Variants in REDIC1 observed in about 807,000 individuals in gnomAD.
The protein encoded by REDIC1 is regulator of DNA class I crossover intermediates 1, also known as HEI10 Interacting Protein 1.
the REDIC1 span, among the ~76,000 whole-genome samples, chr12:39,711,368 C>T: frequency 6.9e-5 from 10 of 144,772 alleles, no homozygotes; most frequent in African/African-American, 2.0e-4. Context: ...TACATATATA[C>T]ACATATACAT....
At chr12:39,885,630 C>G in the REDIC1 span, among the ~76,000 whole-genome samples, 1 of 152,134 alleles carries the variant, frequency 6.6e-6, no homozygotes, top group Non-Finnish European at 1.5e-5. Flanking sequence ...AAAATTATCT[C>G]TGGCCTTAGT....
the REDIC1 span, among the ~76,000 whole-genome samples, chr12:39,900,754 C>T: frequency 6.6e-6 from 1 of 152,090 alleles, no homozygotes. Context: ...GTGAAAATGG[C>T]CATACTGCCC....
At chr12:39,755,086 CTT>C in the REDIC1 span, 1 of 151,794 alleles carries the variant, frequency 6.6e-6, no homozygotes, top group Non-Finnish European at 1.5e-5. Context: ...GGCACTGACA[CTT>C]TTTTTAAAAA....
chr12:39,694,447 A>G, the REDIC1 span, among the ~76,000 whole-genome samples: 10 of 152,116 alleles, frequency 6.6e-5, no homozygotes, highest in African/African-American at 2.2e-4. Flanking sequence ...AGGGACAGTC[A>G]GTGCAGCAGT....
the REDIC1 span, among the ~76,000 whole-genome samples, chr12:39,700,902 C>T: frequency 6.6e-6 from 1 of 152,036 alleles, no homozygotes; most frequent in Non-Finnish European, 1.5e-5. Context: ...ATTTTGTCAC[C>T]ACCAGGCCTG....
the REDIC1 span, among the ~76,000 whole-genome samples, chr12:39,669,643 C>T: frequency 6.6e-6 from 1 of 152,230 alleles, no homozygotes; most frequent in African/African-American, 2.4e-5. Flanking sequence ...TATGCCCTGC[C>T]CCCAGAGGTG....
At chr12:39,678,173 G>T in the REDIC1 span, among the ~76,000 whole-genome samples, 120,486 of 152,018 alleles carry the variant, frequency 0.79, 48,478 homozygotes, top group Non-Finnish European at 0.87. Context: ...TCTTTGAAAA[G>T]ATAAAATTGA....
chr12:39,884,608 C>A, the REDIC1 span, among the ~76,000 whole-genome samples: 1 of 152,138 alleles, frequency 6.6e-6, no homozygotes. Context: ...AAGGCAATAT[C>A]TGGGGACTGT....
the REDIC1 span, among the ~76,000 whole-genome samples, chr12:39,838,141 C>T: frequency 6.8e-6 from 1 of 147,332 alleles, no homozygotes. Flanking sequence ...CACATATACA[C>T]CATGGAATAC....
At chr12:39,712,439 T>TATATAC in the REDIC1 span, among the ~76,000 whole-genome samples, 2 of 77,446 alleles carry the variant, frequency 2.6e-5, no homozygotes, top group African/African-American at 8.0e-5. Context: ...TATACATACG[T>TATATAC]ATATGTATAC....
the REDIC1 span, among the ~76,000 whole-genome samples, chr12:39,883,882 T>A: frequency 6.6e-6 from 1 of 152,178 alleles, no homozygotes; most frequent in Admixed American, 6.5e-5. Flanking sequence ...CGGAAGTATA[T>A]TCACGTAGAA....
chr12:39,778,454 C>T, the REDIC1 span, among the ~76,000 whole-genome samples: 1 of 151,164 alleles, frequency 6.6e-6, no homozygotes, highest in Admixed American at 6.6e-5. Context: ...ATCACAGGGA[C>T]GAAGTTAGTT....
At chr12:39,670,737 C>G in the REDIC1 span, among the ~76,000 whole-genome samples, 2 of 101,984 alleles carry the variant, frequency 2.0e-5, no homozygotes, top group African/African-American at 6.6e-5. Flanking sequence ...TTCTACATTT[C>G]TTCTTCTTTT....
At chr12:39,902,036 T>C in the REDIC1 span, among the ~76,000 whole-genome samples, 1 of 152,068 alleles carries the variant, frequency 6.6e-6, no homozygotes, top group African/African-American at 2.4e-5. Context: ...GTTCATGTCC[T>C]TTGTAGGGAC....
the REDIC1 span, among the ~76,000 whole-genome samples, chr12:39,878,596 A>C: frequency 3.3e-5 from 5 of 152,230 alleles, no homozygotes; most frequent in Non-Finnish European, 2.9e-5. Context: ...GCAACAAAGC[A>C]TTCAAGAAGT....
chr12:39,665,738 T>C, the REDIC1 span, among the ~76,000 whole-genome samples: 1 of 151,694 alleles, frequency 6.6e-6, no homozygotes, highest in African/African-American at 2.4e-5. Flanking sequence ...TTGTATCCTC[T>C]TTTATTTCAT....
At chr12:39,781,696 G>C in the REDIC1 span, among the ~76,000 whole-genome samples, 4 of 152,278 alleles carry the variant, frequency 2.6e-5, no homozygotes, top group South Asian at 8.3e-4. Flanking sequence ...TAACAGCATA[G>C]TTATTTTCCA....
chr12:39,857,340 A>G, the REDIC1 span, among the ~76,000 whole-genome samples: 1 of 152,198 alleles, frequency 6.6e-6, no homozygotes, highest in East Asian at 1.9e-4. Flanking sequence ...TACATGCCTA[A>G]AATTATGTTG....
At chr12:39,830,218 C>A in the REDIC1 span, 1 of 1,612,590 alleles carries the variant, frequency 6.2e-7, no homozygotes, top group South Asian at 1.1e-5. Flanking sequence ...AACATACATT[C>A]ATTACAGTAA....
Sources: allele counts gnomAD v4.1 joint callset (sites outside exome capture counted in the v4.1 genomes callset), GRCh38; gene constraint gnomAD v4.1.1; transcripts MANE v1.5; gene names NCBI Gene and HGNC (gene_info 2026-07-23, HGNC 2026-07-21).